The following DISC1 variants were observed in gnomAD, a reference collection of about 807,000 sequenced individuals.
DISC1 encodes the protein disrupted in schizophrenia 1 protein.
In DISC1, 57 loss-of-function variants were observed where a neutral mutation model predicts 84.5. The ratio of observed to expected loss-of-function variants is 0.67; its 90% confidence interval spans 0.55 to 0.84. The LOEUF is 0.84. Ranked by LOEUF, DISC1 falls within the 40% of genes least tolerant of loss-of-function variation. DISC1 has a pLI of 0.00. For missense variants in DISC1, 1,000 were observed against 1,057.8 expected, an observed-to-expected ratio of 0.95 and a Z score of 0.76; for synonymous variants, 411 against 415.2, an observed-to-expected ratio of 0.99 and a Z score of 0.12.
chr1:231,696,880 A>G (rs1312919065), intron 2 of DISC1, among the ~76,000 whole-genome samples: 1 of 152,214 alleles, frequency 6.6e-6, no homozygotes, highest in Non-Finnish European at 1.5e-5. Context: ...AAGTCACCTA[A>G]TAATGCATTT....
At chr1:232,008,157 AAT>A (rs1394517248) in intron 10 of DISC1, among the ~76,000 whole-genome samples, 1 of 152,192 alleles carries the variant, frequency 6.6e-6, no homozygotes, top group East Asian at 1.9e-4. Context: ...AGACTAATAC[AAT>A]AGAGTCTAGC....
intron 9 of DISC1, among the ~76,000 whole-genome samples, chr1:231,819,673 C>T (rs918001441): frequency 1.3e-5 from 2 of 152,158 alleles, no homozygotes; most frequent in African/African-American, 2.4e-5. Flanking sequence ...TGACAACACG[C>T]TCACCCAAGA....
intron 2 of DISC1, among the ~76,000 whole-genome samples, chr1:231,700,283 C>T (rs561473211): frequency 6.6e-6 from 1 of 152,206 alleles, no homozygotes; most frequent in African/African-American, 2.4e-5. Flanking sequence ...AGAACAACCT[C>T]TCTTCCTCCT....
chr1:231,749,100 G>T (rs2125318750), intron 3 of DISC1, among the ~76,000 whole-genome samples: 1 of 152,334 alleles, frequency 6.6e-6, no homozygotes, highest in East Asian at 1.9e-4. Context: ...GAGGCTGAGT[G>T]CCTGCATGCT....
intron 6 of DISC1, among the ~76,000 whole-genome samples, chr1:231,777,666 C>T (rs1006887785): frequency 3.1e-4 from 47 of 152,276 alleles, no homozygotes; most frequent in Non-Finnish European, 2.9e-5. Flanking sequence ...CCTGCATAGG[C>T]GACATCTGCA....
intron 1 of DISC1, chr1:231,684,981 G>C (rs1251001858): frequency 6.6e-6 from 1 of 152,214 alleles, no homozygotes; most frequent in Non-Finnish European, 1.5e-5. Flanking sequence ...GGGTAGAGTG[G>C]CTCGCCTCTC....
chr1:231,903,337 A>C (rs1032729266), intron 9 of DISC1, among the ~76,000 whole-genome samples: 1 of 152,192 alleles, frequency 6.6e-6, no homozygotes, highest in East Asian at 1.9e-4. Flanking sequence ...TTTCCAGATA[A>C]GGTCACCCTC....
chr1:232,008,917 A>T lies in DISC1; in HGVS notation c.2175A>T (p.Leu725Phe). ...SVEDERQMDD[L>F]EGAAPPIPPR... The stretch of plus-strand genomic sequence containing the variant: ...AAGATGAGAGGCAGATGGATGACTT[A>T]GAGGGAGCTGCTCCTCCTATTCCCC... Residue 725 changes from leucine to phenylalanine, a missense_variant, in exon 11 of 13, where the codon TTA (leucine) becomes TTT (phenylalanine). Leu to Phe is a conservative substitution (Grantham distance 22). Around this residue, in one of 3 missense-constraint regions of DISC1, gnomAD observed 397 missense variants for 377.5 expected, o/e 1.05. Coordinates refer to ENST00000439617, the MANE Select transcript of DISC1 (RefSeq NM_018662.3). 6.2e-7 allele frequency: 1 copy of T among 1,613,804 alleles called. No homozygotes were observed. The highest frequency in any genetic ancestry group is 8.5e-7 in the Non-Finnish European group (1 of 1,179,792).
At chr1:231,645,960 GA>G (rs1034657843) in intron 1 of DISC1, among the ~76,000 whole-genome samples, 3 of 149,364 alleles carry the variant, frequency 2.0e-5, no homozygotes, top group Non-Finnish European at 4.5e-5. Context: ...CTACAGAGAA[GA>G]AAAACAAGGA....
chr1:231,754,580 A>G (rs772091546), intron 4 of DISC1, among the ~76,000 whole-genome samples: 1 of 152,200 alleles, frequency 6.6e-6, no homozygotes, highest in Non-Finnish European at 1.5e-5. Context: ...CACCTCCAAC[A>G]TTGGGGATTA....
rs2087782200 is a variant in DISC1 at position 231,897,375 on chromosome 1, C to A, written c.1982-61453C>A. On this transcript the variant is annotated intron_variant, in intron 9 of 12. Coordinates refer to ENST00000439617, the MANE Select transcript of DISC1 (RefSeq NM_018662.3). The surrounding 1 kb of genome is among the most constrained non-coding windows in gnomAD (Gnocchi z 4.5). ...TTTTTGATTTTTTATCCTTACTTTT[C>A]TCCTCTCTGGGTTACAGTGGCAGGT... Among the ~76,000 whole-genome samples the A allele has an allele frequency of 6.6e-6, 1 of 152,198 alleles. No individual in the cohort carries two copies. Among genetic ancestry groups the A allele is most frequent in the South Asian group, 2.1e-4 (1 of 4,836 alleles).
intron 2 of DISC1, among the ~76,000 whole-genome samples, chr1:231,699,118 G>A (rs1003117835): frequency 6.6e-6 from 1 of 152,140 alleles, no homozygotes; most frequent in Non-Finnish European, 1.5e-5. Context: ...CTTAGTCACA[G>A]ACTTGAGGAA....
At chr1:232,029,932 CTGAT>C (rs1387740860) in intron 12 of DISC1, among the ~76,000 whole-genome samples, 2 of 152,206 alleles carry the variant, frequency 1.3e-5, no homozygotes, top group Non-Finnish European at 2.9e-5. Context: ...TAAGAAGACA[CTGAT>C]TGACCAATCC....
intron 9 of DISC1, among the ~76,000 whole-genome samples, chr1:231,935,407 C>G (rs1405697922): frequency 6.6e-6 from 1 of 152,000 alleles, no homozygotes; most frequent in Non-Finnish European, 1.5e-5. Context: ...CTGAAATTTC[C>G]AAAGCAGGAA....
chr1:231,746,157 C>T (rs565694773), intron 3 of DISC1, among the ~76,000 whole-genome samples: 15 of 152,230 alleles, frequency 9.9e-5, no homozygotes, highest in South Asian at 4.1e-4. Flanking sequence ...CAATGCAAAA[C>T]GGATTTAAGC....
intron 1 of DISC1, among the ~76,000 whole-genome samples, chr1:231,638,156 G>A (rs2059346629): frequency 6.6e-6 from 1 of 152,092 alleles, no homozygotes; most frequent in South Asian, 2.1e-4. Context: ...GTCTATTCAT[G>A]TCCTTTTCAC....
chr1:231,646,400 T>C (rs1041838779), intron 1 of DISC1, among the ~76,000 whole-genome samples: 14 of 152,334 alleles, frequency 9.2e-5, no homozygotes, highest in Middle Eastern at 3.4e-3. Context: ...ATCCAGTCTA[T>C]CATTGACGGA....
intron 9 of DISC1, among the ~76,000 whole-genome samples, chr1:231,884,780 G>C (rs1249194611): frequency 6.7e-6 from 1 of 148,926 alleles, no homozygotes; most frequent in African/African-American, 2.5e-5. Flanking sequence ...ATGGACCTCC[G>C]AACCTAAAAT....
At chr1:232,013,364 G>A (rs1668198635) in intron 11 of DISC1, among the ~76,000 whole-genome samples, 2 of 152,104 alleles carry the variant, frequency 1.3e-5, no homozygotes, top group African/African-American at 2.4e-5. Flanking sequence ...TGCAGTGAAC[G>A]GAATTAGCAA....
Sources: allele counts gnomAD v4.1 joint callset (sites outside exome capture counted in the v4.1 genomes callset), GRCh38; gene constraint gnomAD v4.1.1; regional missense constraint gnomAD v4.1.1; non-coding constraint Gnocchi (gnomAD v3.1); transcripts MANE v1.5; gene names NCBI Gene and HGNC (gene_info 2026-07-23, HGNC 2026-07-21).